Variants in DNAH9 observed in about 807,000 individuals in gnomAD.
DNAH9 encodes DNAH9 variant protein.
DNAH9 carries 345 observed loss-of-function variants against 471.6 expected under a neutral mutation model. The observed-to-expected ratio is 0.73, with a 90% CI of 0.67 to 0.80. The LOEUF is 0.80. Ranked by LOEUF, DNAH9 falls within the 30% of genes least tolerant of loss-of-function variation. The pLI, the probability that DNAH9 is intolerant of heterozygous loss-of-function variation, is 0.00. For synonymous variants in DNAH9, 2,093 were observed against 2,123.6 expected (o/e 0.99, Z 0.40); for missense variants, 5,407 against 5,609.2 (o/e 0.96, Z 1.15).
intron 38 of DNAH9, among the ~76,000 whole-genome samples, chr17:11,777,022 G>A (rs1968461928): frequency 1.3e-5 from 2 of 152,158 alleles, no homozygotes. Flanking sequence ...ATAATTTTAA[G>A]TTATTTTTTA....
intron 59 of DNAH9, among the ~76,000 whole-genome samples, chr17:11,895,720 C>T (rs193033586): frequency 1.5e-4 from 23 of 152,280 alleles, no homozygotes; most frequent in South Asian, 4.1e-4. Flanking sequence ...CTACCAACTA[C>T]GAATCCATTC....
Position 11,669,263 on chromosome 17 carries a change from A to G in DNAH9, c.2928+3A>G, listed in dbSNP as rs761536625. 1 of 1,611,258 alleles carries G rather than the reference A, an allele frequency of 6.2e-7. No homozygotes were observed. The highest frequency in any genetic ancestry group is 8.5e-7 in the Non-Finnish European group (1 of 1,178,174). On this transcript the variant is annotated splice_donor_region_variant and intron_variant, in intron 16 of 68. Coordinates refer to ENST00000262442, the MANE Select transcript of DNAH9 (RefSeq NM_001372.4). ...AAAATGGCTCTCCTCACTATCAGGT[A>G]CTGGAGCTGCAGCCATCCTGCCCTC...
rs543369548 is a variant in DNAH9 at position 11,893,455 on chromosome 17, G to C, written c.11284-919G>C. Among the ~76,000 whole-genome samples the C allele has an allele frequency of 7.7e-5, 11 of 142,112 alleles. No individual in the cohort carries two copies. In the East Asian group the frequency reaches 1.8e-3, roughly 24 times the overall value. The allele number at this position is 142,112 out of a possible 152,430, so 93.2% of individuals were successfully genotyped here. ...ACAATAGCAAAGACTTGAAAGACTT[G>C]GAACCAACCCACATGCCCATCAATG... is the stretch of plus-strand genomic sequence containing the variant. On this transcript the variant is annotated intron_variant, in intron 58 of 68. Coordinates refer to ENST00000262442, the MANE Select transcript of DNAH9 (RefSeq NM_001372.4).
intron 23 of DNAH9, among the ~76,000 whole-genome samples, chr17:11,700,675 A>C (rs1439441822): frequency 6.6e-6 from 1 of 152,140 alleles, no homozygotes; most frequent in Non-Finnish European, 1.5e-5. Flanking sequence ...CAGTTATATG[A>C]GGGTGGCCCT....
chr17:11,755,434 T>C (rs1280772923), intron 33 of DNAH9, among the ~76,000 whole-genome samples: 5 of 152,216 alleles, frequency 3.3e-5, no homozygotes. Flanking sequence ...TTAATGAGTT[T>C]GATTCTTCCT....
chr17:11,869,690 A>G (rs1972191598), intron 51 of DNAH9, among the ~76,000 whole-genome samples: 2 of 152,180 alleles, frequency 1.3e-5, no homozygotes, highest in Non-Finnish European at 1.5e-5. Context: ...ATTTCAGAAA[A>G]CACACACAGA....
intron 4 of DNAH9, among the ~76,000 whole-genome samples, chr17:11,613,591 G>A (rs116265219): frequency 1.0e-3 from 154 of 152,300 alleles, no homozygotes; most frequent in African/African-American, 3.2e-3. Context: ...GTGACAGACC[G>A]AGACTCCGTC....
In DNAH9 at chr17:11,690,083, CG is replaced by C; in HGVS notation, c.4265del (p.Gly1422AlafsTer16). On this transcript the variant is annotated frameshift_variant, in exon 20 of 69. Transcript: ENST00000262442. LOFTEE classifies it high-confidence loss of function. ...LQLHHYEDEVRGIVDKAAKEM... is the reference protein window; with the variant it reads ...LQLHHYEDEVXGIVDKAAKEM... ...GCTGCACCACTATGAGGATGAGGTC[CG>C]GGGCATTGTGGACAAAGCTGCAAAA... The C allele has an allele frequency of 6.2e-7, 1 of 1,614,094 alleles. No individual in the cohort carries two copies. Among genetic ancestry groups the C allele is most frequent in the Non-Finnish European group, 8.5e-7 (1 of 1,180,008 alleles).
At chr17:11,758,963 G>A (rs1439116933) in intron 35 of DNAH9, among the ~76,000 whole-genome samples, 1 of 152,100 alleles carries the variant, frequency 6.6e-6, no homozygotes, top group African/African-American at 2.4e-5. Flanking sequence ...GGCTAAAGCA[G>A]CCCGTGTAGC....
intron 32 of DNAH9, among the ~76,000 whole-genome samples, chr17:11,751,247 A>C (rs1052327618): frequency 1.3e-5 from 2 of 151,988 alleles, no homozygotes; most frequent in African/African-American, 4.8e-5. Context: ...CAAAATCATG[A>C]AAAGATAACT....
At chr17:11,621,407 C>CAAAAA (rs34933930) in intron 6 of DNAH9, among the ~76,000 whole-genome samples, 8 of 72,588 alleles carry the variant, frequency 1.1e-4, no homozygotes, top group African/African-American at 1.1e-4. Context: ...GACTCCATCT[C>CAAAAA]AAAAAAAAAA....
intron 26 of DNAH9, among the ~76,000 whole-genome samples, chr17:11,713,522 G>T (rs568555860): frequency 2.3e-4 from 35 of 152,216 alleles, no homozygotes; most frequent in Non-Finnish European, 4.3e-4. Context: ...CCCACCAAGA[G>T]TGTATAAGTG....
chr17:11,961,457 T>G (rs1208677884), intron 67 of DNAH9, among the ~76,000 whole-genome samples: 1 of 152,134 alleles, frequency 6.6e-6, no homozygotes. Context: ...TGGGGGAATA[T>G]AGATCTTTGT....
At chr17:11,695,583 C>T (rs1462827649) in intron 22 of DNAH9, among the ~76,000 whole-genome samples, 3 of 152,082 alleles carry the variant, frequency 2.0e-5, no homozygotes, top group East Asian at 1.9e-4. Flanking sequence ...CTGCTGTGTT[C>T]GAAGGTTTTT....
intron 36 of DNAH9, among the ~76,000 whole-genome samples, chr17:11,765,657 G>A (rs186647277): frequency 2.4e-4 from 36 of 152,294 alleles, no homozygotes; most frequent in East Asian, 7.7e-4. Context: ...TGAGCCAGGA[G>A]TTTGACATCT....
intron 57 of DNAH9, among the ~76,000 whole-genome samples, chr17:11,889,879 G>A (rs1209832884): frequency 6.6e-6 from 1 of 152,174 alleles, no homozygotes; most frequent in Non-Finnish European, 1.5e-5. Flanking sequence ...GACCCCATGG[G>A]CAGGAGAAGG....
Position 11,626,460 on chromosome 17 carries a change from C to T in DNAH9, c.1351-2957C>T, listed in dbSNP as rs893592266. Among the ~76,000 whole-genome samples, 6 of 152,162 alleles carry T rather than the reference C, an allele frequency of 3.9e-5. No individual in the cohort carries two copies. The highest frequency in any genetic ancestry group is 1.4e-4 in the African/African-American group (6 of 41,440). On this transcript the variant is annotated intron_variant, in intron 6 of 68. Transcript: ENST00000262442. This position sits in a 1 kb window ranked among gnomAD's most constrained non-coding sequence, Gnocchi z 4.3. ...TGCTTCAGAAATCTTTTCTGCTATG[C>T]CTCCAACATCAAACTTATTAAAACC... is the stretch of plus-strand genomic sequence containing the variant.
At chr17:11,841,191 G>C (rs1196996011) in intron 49 of DNAH9, among the ~76,000 whole-genome samples, 2 of 152,078 alleles carry the variant, frequency 1.3e-5, no homozygotes, top group Non-Finnish European at 2.9e-5. Context: ...ATTCTAATGA[G>C]ACTGGGTGTT....
At chr17:11,880,249 C>A in intron 54 of DNAH9, 49 bp downstream of exon 54, 1 of 1,602,532 alleles carries the variant, frequency 6.2e-7, no homozygotes, top group Non-Finnish European at 8.5e-7. Context: ...TGGTTCATGG[C>A]CCTGGTTAGA....
Sources: allele counts gnomAD v4.1 joint callset (sites outside exome capture counted in the v4.1 genomes callset), GRCh38; gene constraint gnomAD v4.1.1; non-coding constraint Gnocchi (gnomAD v3.1); transcripts MANE v1.5; gene names NCBI Gene and HGNC (gene_info 2026-07-23, HGNC 2026-07-21).